ABCC4: variants seen among roughly 807,000 people sequenced by gnomAD.
The protein encoded by ABCC4 is ATP-binding cassette sub-family C member 4.
ABCC4 carries 102 observed loss-of-function variants against 168.5 expected under a neutral mutation model. That is an observed-to-expected ratio of 0.61 (90% CI 0.52 to 0.71). ABCC4 has a LOEUF of 0.71. ABCC4 is among the 30% of genes least tolerant of loss of function. The pLI is 0.00. For synonymous variants in ABCC4, 617 were observed against 590.7 expected, an observed-to-expected ratio of 1.04 and a Z score of -0.65; for missense variants, 1,402 against 1,605.8, an observed-to-expected ratio of 0.87 and a Z score of 2.17.
chr13:95,208,358 G>A (rs1373039952), intron 6 of ABCC4, among the ~76,000 whole-genome samples: 1 of 147,082 alleles, frequency 6.8e-6, no homozygotes, highest in Non-Finnish European at 1.5e-5. Flanking sequence ...AAAAGCTTCA[G>A]AGGACCAGGA....
intron 20 of ABCC4, among the ~76,000 whole-genome samples, chr13:95,109,751 A>G (rs9561784): frequency 0.24 from 37,100 of 152,024 alleles, 4,860 homozygotes; most frequent in Admixed American, 0.38. Context: ...TTCTATTGTA[A>G]GTCTTATCAC....
intron 4 of ABCC4, among the ~76,000 whole-genome samples, chr13:95,230,556 C>G (rs982774004): frequency 2.6e-5 from 4 of 152,180 alleles, no homozygotes; most frequent in African/African-American, 9.7e-5. Context: ...GTGAGCAGAT[C>G]GCGAGGTCAG....
intron 20 of ABCC4, among the ~76,000 whole-genome samples, chr13:95,098,343 A>C (rs2034682264): frequency 6.6e-6 from 1 of 152,150 alleles, no homozygotes; most frequent in Non-Finnish European, 1.5e-5. Context: ...TGTAACTTAA[A>C]AAATATAAGA....
intron 27 of ABCC4, among the ~76,000 whole-genome samples, chr13:95,048,449 T>G (rs1316872111): frequency 6.6e-6 from 1 of 152,216 alleles, no homozygotes; most frequent in Non-Finnish European, 1.5e-5. Flanking sequence ...TCTTTGAACT[T>G]TCTGACTTTT....
intron 1 of ABCC4, among the ~76,000 whole-genome samples, chr13:95,266,704 T>C (rs889468949): frequency 3.9e-5 from 6 of 151,984 alleles, no homozygotes; most frequent in Non-Finnish European, 8.8e-5. Flanking sequence ...TCTTCCCCCA[T>C]TAGTAAATGG....
intron 8 of ABCC4, 104 bp from the exon 9 acceptor site, chr13:95,195,041 C>A: frequency 1.2e-6 from 1 of 857,510 alleles, no homozygotes; most frequent in South Asian, 1.6e-5. Context: ...TTTATACAGC[C>A]TACAGATCAT....
intron 1 of ABCC4, among the ~76,000 whole-genome samples, chr13:95,258,173 C>T (rs193141583): frequency 6.6e-6 from 1 of 152,294 alleles, no homozygotes; most frequent in African/African-American, 2.4e-5. Context: ...CCCACCTTCA[C>T]CCTTGGTTTC....
chr13:95,077,795 C>T (rs2033956920), intron 21 of ABCC4, among the ~76,000 whole-genome samples: 1 of 152,218 alleles, frequency 6.6e-6, no homozygotes, highest in African/African-American at 2.4e-5. Flanking sequence ...ATCTGTGCTA[C>T]AGCTGACTCA....
intron 13 of ABCC4, among the ~76,000 whole-genome samples, chr13:95,174,885 A>G (rs145189000): frequency 3.3e-5 from 5 of 152,374 alleles, no homozygotes; most frequent in African/African-American, 1.2e-4. Flanking sequence ...CTCTGCATTC[A>G]GAAAGATTCA....
chr13:95,149,890 T>G (rs1430509863), intron 19 of ABCC4, among the ~76,000 whole-genome samples: 1 of 152,152 alleles, frequency 6.6e-6, no homozygotes, highest in South Asian at 2.1e-4. Context: ...TTCTATAAAC[T>G]TCCACCTGAA....
intron 29 of ABCC4, among the ~76,000 whole-genome samples, chr13:95,035,776 CA>C (rs1451929825): frequency 6.6e-6 from 1 of 152,122 alleles, no homozygotes. Flanking sequence ...CCTAGGAAAA[CA>C]GTTCTGAGGT....
chr13:95,191,179 C>T (rs892816062), intron 9 of ABCC4, among the ~76,000 whole-genome samples: 4 of 152,062 alleles, frequency 2.6e-5, no homozygotes, highest in Non-Finnish European at 4.4e-5. Flanking sequence ...ACAGAAAGCA[C>T]GGTGGGGGAA....
At chr13:95,206,445 A>G in intron 8 of ABCC4, 87 bp downstream of exon 8, 1 of 1,529,596 alleles carries the variant, frequency 6.5e-7, no homozygotes, top group South Asian at 1.2e-5. Context: ...AAATGTCATT[A>G]CACTGGAACA....
intron 1 of ABCC4, among the ~76,000 whole-genome samples, chr13:95,300,257 T>C (rs1200590081): frequency 6.6e-6 from 1 of 151,994 alleles, no homozygotes; most frequent in Non-Finnish European, 1.5e-5. Flanking sequence ...TTTAAGAAGG[T>C]AGAACTCCTG....
intron 1 of ABCC4, among the ~76,000 whole-genome samples, chr13:95,297,841 C>T (rs1193528451): frequency 6.6e-6 from 1 of 152,090 alleles, no homozygotes; most frequent in Non-Finnish European, 1.5e-5. Flanking sequence ...GAAGTACTTT[C>T]GAGTGATAAG....
intron 26 of ABCC4, among the ~76,000 whole-genome samples, chr13:95,062,108 GTA>G (rs1356015668): frequency 6.6e-6 from 1 of 152,116 alleles, no homozygotes; most frequent in Admixed American, 6.5e-5. Flanking sequence ...AATGGTGATC[GTA>G]AGGAAGATGA....
At chr13:95,071,638 A>C in intron 25 of ABCC4, 24 bp downstream of exon 25, 1 of 1,397,384 alleles carries the variant, frequency 7.2e-7, no homozygotes, top group Non-Finnish European at 9.4e-7. Flanking sequence ...GAAATTGAGA[A>C]GAGGCAAGAT....
intron 19 of ABCC4, among the ~76,000 whole-genome samples, chr13:95,120,697 G>T (rs550372621): frequency 1.3e-5 from 2 of 152,284 alleles, no homozygotes; most frequent in South Asian, 2.1e-4. Context: ...AAAGGGCAAA[G>T]GTAGGATGGG....
chr13:95,246,803 T>G (rs1027018676), intron 3 of ABCC4, among the ~76,000 whole-genome samples, 172 bp downstream of exon 3: 3 of 152,200 alleles, frequency 2.0e-5, no homozygotes, highest in African/African-American at 7.2e-5. Flanking sequence ...CTCACTGAAC[T>G]AACTACCTAA....
Sources: gnomAD v4.1 joint callset for allele counts (sites outside exome capture counted in the v4.1 genomes callset) on GRCh38, gnomAD v4.1.1 for gene constraint, MANE v1.5 for transcripts, NCBI Gene and HGNC (gene_info 2026-07-23, HGNC 2026-07-21) for gene names.